The following E4F1 variants were observed in gnomAD, a reference collection of about 807,000 sequenced individuals.
The protein encoded by E4F1 is transcription factor E4F1.
Under a neutral mutation model 72.9 loss-of-function variants are expected in E4F1, and 30 were observed. That is an observed-to-expected ratio of 0.41 (90% CI 0.31 to 0.56). The LOEUF (loss-of-function observed/expected upper bound fraction) is 0.56. E4F1 is among the 20% of genes least tolerant of loss of function. E4F1 has a pLI of 0.25. For synonymous variants in E4F1, 542 were observed against 478.2 expected, an observed-to-expected ratio of 1.13 and a Z score of -1.74; for missense variants, 1,091 against 1,117.5, an observed-to-expected ratio of 0.98 and a Z score of 0.34.
chr16:2,233,055 G>C lies in E4F1; in HGVS notation c.928G>C (p.Val310Leu). 3 of 1,611,088 alleles carry C rather than the reference G, an allele frequency of 1.9e-6. No homozygotes were observed. The South Asian group carries it at 3.3e-5, about 18-fold the overall frequency. The change falls in exon 7 of 14, where the codon GTG (valine) becomes CTG (leucine). Residue 310 changes from valine to leucine, a missense_variant. This residue lies in a region of E4F1 where 101 missense variants were observed against 97.4 expected (regional missense o/e 1.04). Coordinates refer to ENST00000301727, the MANE Select transcript of E4F1 (RefSeq NM_004424.5). Reference sequence around the variant, plus strand: ...CGGCTTGGGGACAGCCACATCATCGGTGACAGGCGAGCCTATAGAGACTTC... The same window carrying C: ...CGGCTTGGGGACAGCCACATCATCGCTGACAGGCGAGCCTATAGAGACTTC... ...AAGLGTATSSVTGEPIETSPV... is the reference protein window; with the variant it reads ...AAGLGTATSSLTGEPIETSPV...
intron 1 of E4F1, among the ~76,000 whole-genome samples, chr16:2,224,893 C>T (rs1409987961): frequency 6.6e-6 from 1 of 151,872 alleles, no homozygotes; most frequent in Non-Finnish European, 1.5e-5. Context: ...GGCTCTGCTG[C>T]CTCATAGAAG....
chr16:2,231,900 C>T (rs1269025694), intron 3 of E4F1: 12 of 473,002 alleles, frequency 2.5e-5, no homozygotes, highest in South Asian at 2.5e-4. Flanking sequence ...CATCTGTGCT[C>T]CATGGTGGGT....
rs546597815 is a variant in E4F1 at position 2,234,842 on chromosome 16, C to T, written c.1793-17C>T. On this transcript the variant is annotated splice_polypyrimidine_tract_variant and intron_variant, in intron 11 of 13. Transcript: ENST00000301727. The stretch of plus-strand genomic sequence containing the variant: ...GGGCCGGGGCTTGCCTAGCCCTGAC[C>T]GAGTCCCCACCCACAGGGGGCTGCC... 1.0e-4 allele frequency: 156 copies of T among 1,548,160 alleles called. No individual in the cohort carries two copies. The highest frequency in any genetic ancestry group is 5.6e-4 in the East Asian group (23 of 40,900).
Position 2,234,563 on chromosome 16 carries a change from A to G in E4F1, c.1594-20A>G. 3 of 1,566,210 alleles carry G rather than the reference A, an allele frequency of 1.9e-6. No homozygotes were observed. Among genetic ancestry groups the G allele is most frequent in the Non-Finnish European group, 2.6e-6 (3 of 1,154,852 alleles). On this transcript the variant is annotated intron_variant, in intron 10 of 13. Coordinates refer to ENST00000301727, the MANE Select transcript of E4F1 (RefSeq NM_004424.5). ...CTGTTGTGGCCAAGGCCAGGCTGGCACTGACAGGTGTCTCCACAGAACGCA... is the reference window on the plus strand; with the variant it reads ...CTGTTGTGGCCAAGGCCAGGCTGGCGCTGACAGGTGTCTCCACAGAACGCA...
At chr16:2,224,087 G>C (rs1027121404) in intron 1 of E4F1, among the ~76,000 whole-genome samples, 81 of 152,372 alleles carry the variant, frequency 5.3e-4, no homozygotes, top group African/African-American at 1.8e-3. Context: ...TCCGATGCCT[G>C]AGCCTGGCCC....
In E4F1 at chr16:2,223,661, A is replaced by C; in HGVS notation, c.48A>C (p.Glu16Asp). 1 of 1,586,814 alleles carries C rather than the reference A, an allele frequency of 6.3e-7. No individual in the cohort carries two copies. Among genetic ancestry groups the C allele is most frequent in the Non-Finnish European group, 8.5e-7 (1 of 1,172,986 alleles). ...GGGTGACGGCCGCTCATACGGCAGAAGCCCAGGCCGAAGCCGGGCGGGAAG... is the reference window on the plus strand; with the variant it reads ...GGGTGACGGCCGCTCATACGGCAGACGCCCAGGCCGAAGCCGGGCGGGAAG... ...AVRVTAAHTA[E>D]AQAEAGREAG... Residue 16 changes from glutamate (E) to aspartate (D), a missense_variant, in exon 1 of 14, where the codon GAA (glutamate) becomes GAC (aspartate). By Grantham distance (45) the Glu-to-Asp change is conservative. Around this residue, in one of 5 missense-constraint regions of E4F1, gnomAD observed 362 missense variants for 358.6 expected, o/e 1.01. Transcript: ENST00000301727.
chr16:2,229,911 T>C (rs1567299627), intron 3 of E4F1: 4 of 516,290 alleles, frequency 7.7e-6, no homozygotes, highest in Non-Finnish European at 1.1e-5. Flanking sequence ...CAGGGAGTCA[T>C]TGGGCTGTGC....
At position 2,233,824 on chromosome 16, in the gene E4F1, T is replaced by C. The variant is rs572931274; in HGVS notation, c.1267-58T>C. The C allele has an allele frequency of 6.7e-6, 10 of 1,489,110 alleles. No homozygotes were observed. In the East Asian group the frequency reaches 2.0e-4, roughly 29 times the overall value. The allele number at this position is 1,489,110 out of a possible 1,614,324, so 92.2% of individuals were successfully genotyped here. A position where few individuals can be genotyped will look rare whatever the true frequency, so the allele number is the denominator to read the frequency against. On this transcript the variant is annotated intron_variant, in intron 8 of 13. Transcript: ENST00000301727. ...AGGGTGGGGCCCATGGTTGTGTTCTTGGTACTGCCAGGGCACAGCCTGCCC... is the reference window on the plus strand; with the variant it reads ...AGGGTGGGGCCCATGGTTGTGTTCTCGGTACTGCCAGGGCACAGCCTGCCC...
chr16:2,223,701 G>A lies in E4F1; in HGVS notation c.88G>A (p.Val30Ile). The change falls in exon 1 of 14, where the codon GTT becomes ATT. Residue 30 changes from valine to isoleucine, a missense_variant. Val to Ile is a conservative substitution (Grantham distance 29). This residue lies in a region of E4F1 where 362 missense variants were observed against 358.6 expected (regional missense o/e 1.01). Coordinates refer to ENST00000301727, the MANE Select transcript of E4F1 (RefSeq NM_004424.5). ...EAGREAGEGA[V>I]AAVAAALAPS... ...CGGGCGGGAAGCGGGCGAGGGTGCA[G>A]TTGCGGCGGTGGCGGCGGCCTTGGC... 6.4e-7 allele frequency: 1 copy of A among 1,567,884 alleles called. No individual in the cohort carries two copies.
Position 2,232,030 on chromosome 16 carries a change from G to A in E4F1, c.416-141G>A, listed in dbSNP as rs139791282. 3.2e-4 allele frequency: 327 copies of A among 1,033,396 alleles called. 1 individual carries two copies. The highest frequency in any genetic ancestry group is 9.6e-4 in the Middle Eastern group (3 of 3,112). 64.0% of individuals were successfully genotyped at this position (1,033,396 alleles called of 1,614,324 possible). On this transcript the variant is annotated intron_variant, in intron 3 of 13. Coordinates refer to ENST00000301727, the MANE Select transcript of E4F1 (RefSeq NM_004424.5). Reference sequence around the variant, plus strand: ...GTGAATGGGACCTTGGCTGTTGCTCGGACCTGTGTGTTGAGGGCTCAGTGC... The same window carrying A: ...GTGAATGGGACCTTGGCTGTTGCTCAGACCTGTGTGTTGAGGGCTCAGTGC...
rs778322656 is a variant in E4F1 at position 2,228,537 on chromosome 16, C to G, written c.309+14C>G. 1 of 1,609,706 alleles carries G rather than the reference C, an allele frequency of 6.2e-7. No homozygotes were observed. The highest frequency in any genetic ancestry group is 8.5e-7 in the Non-Finnish European group (1 of 1,177,894). On this transcript the variant is annotated intron_variant, in intron 2 of 13. Transcript: ENST00000301727. ...CTGGGCCAGGAGGTGAGCCCTCACC[C>G]ACTCCCCCATCCCCTCCCGGGTTCA...
intron 12 of E4F1, 22 bp downstream of exon 12, chr16:2,235,023 C>G: frequency 6.2e-7 from 1 of 1,611,842 alleles, no homozygotes. Context: ...GCCCTGGGGC[C>G]GTGCTGGGAC....
Position 2,234,981 on chromosome 16 carries a change from A to C in E4F1, c.1915A>C (p.Thr639Pro). 3 of 1,608,782 alleles carry C rather than the reference A, an allele frequency of 1.9e-6. No homozygotes were observed. Among genetic ancestry groups the C allele is most frequent in the Non-Finnish European group, 2.5e-6 (3 of 1,178,182 alleles). ...LVEFSSVVAD[T>P]QEYIIEATAD... is the part of the protein sequence containing the mutation. ...GGAGTTCTCGTCCGTGGTAGCTGAC[A>C]CCCAGGAGTATATCATCGAGGTGGG... Residue 639 changes from threonine (T) to proline (P), a missense_variant, in exon 12 of 14, where the codon ACC becomes CCC. This residue lies in a region of E4F1 where 622 missense variants were observed against 628.0 expected (regional missense o/e 0.99). Transcript: ENST00000301727.
chr16:2,233,054 G>A lies in E4F1; in HGVS notation c.927G>A (p.Ser309=), dbSNP rs963203854. The part of the protein sequence containing the change: ...GAAGLGTATS[S]VTGEPIETSP... ...CCGGCTTGGGGACAGCCACATCATC[G>A]GTGACAGGCGAGCCTATAGAGACTT... The change falls in exon 7 of 14, where the codon TCG becomes TCA. Residue 309 remains serine, a synonymous_variant. Transcript: ENST00000301727. The A allele has an allele frequency of 1.1e-5, 17 of 1,610,834 alleles. No individual in the cohort carries two copies. Among genetic ancestry groups the A allele is most frequent in the African/African-American group, 5.3e-5 (4 of 74,864 alleles).
rs368730551 is a variant in E4F1 at position 2,234,963 on chromosome 16, T to C, written c.1897T>C (p.Ser633Pro). The change falls in exon 12 of 14, where the codon TCG becomes CCG. Residue 633 changes from serine (S) to proline (P), a missense_variant. Ser to Pro is a moderately conservative substitution (Grantham distance 74, BLOSUM62 -1). This residue lies in a region of E4F1 where 622 missense variants were observed against 628.0 expected (regional missense o/e 0.99). Coordinates refer to ENST00000301727, the MANE Select transcript of E4F1 (RefSeq NM_004424.5). ...EDPHTVLVEF[S>P]SVVADTQEYI... ...CCCGCACACAGTGTTGGTGGAGTTC[T>C]CGTCCGTGGTAGCTGACACCCAGGA... 134 of 1,597,722 alleles carry C rather than the reference T, an allele frequency of 8.4e-5. No individual in the cohort carries two copies. The highest frequency in any genetic ancestry group is 1.1e-4 in the Non-Finnish European group (127 of 1,172,452).
At position 2,234,197 on chromosome 16, in the gene E4F1, T is replaced by G; in HGVS notation, c.1402T>G (p.Cys468Gly). 6.2e-7 allele frequency: 1 copy of G among 1,612,490 alleles called. No individual in the cohort carries two copies. Among genetic ancestry groups the G allele is most frequent in the Non-Finnish European group, 8.5e-7 (1 of 1,179,890 alleles). Residue 468 changes from cysteine (C) to glycine (G), a missense_variant, in exon 10 of 14, where the codon TGT becomes GGT. This residue lies in a region of E4F1 where 622 missense variants were observed against 628.0 expected (regional missense o/e 0.99). Coordinates refer to ENST00000301727, the MANE Select transcript of E4F1 (RefSeq NM_004424.5). ...TGPRPFACAQ[C>G]GKAFPKAYLL... ...GCCGAGGCCGTTCGCCTGCGCGCAG[T>G]GTGGCAAGGCCTTCCCCAAGGCCTA...
Position 2,234,908 on chromosome 16 carries a change from C to A in E4F1, c.1842C>A (p.Pro614=), listed in dbSNP as rs752582808. Residue 614 remains proline (P), a synonymous_variant, in exon 12 of 14, where the codon CCC becomes CCA. Coordinates refer to ENST00000301727, the MANE Select transcript of E4F1 (RefSeq NM_004424.5). The part of the protein sequence containing the change: ...VEELLVSEDS[P]AAATTVLTED... Reference sequence around the variant, plus strand: ...AGTTGCTGGTGTCTGAGGACAGCCCCGCGGCAGCCACCACCGTCCTCACGG... The same window carrying A: ...AGTTGCTGGTGTCTGAGGACAGCCCAGCGGCAGCCACCACCGTCCTCACGG... 7.5e-5 allele frequency: 116 copies of A among 1,552,550 alleles called. No individual in the cohort carries two copies. The highest frequency in any genetic ancestry group is 9.3e-5 in the Non-Finnish European group (107 of 1,148,204).
chr16:2,229,469 C>A, intron 2 of E4F1, 101 bp from the exon 3 acceptor site: 1 of 1,292,194 alleles, frequency 7.7e-7, no homozygotes. Context: ...CACCACAAGT[C>A]ACACCTCCAC....
rs763870651 is a variant in E4F1 at position 2,234,970 on chromosome 16, T to C, written c.1904T>C (p.Val635Ala). 9 of 1,604,982 alleles carry C rather than the reference T, an allele frequency of 5.6e-6. No homozygotes were observed. Among genetic ancestry groups the C allele is most frequent in the Non-Finnish European group, 6.8e-6 (8 of 1,176,202 alleles). ...PHTVLVEFSS[V>A]VADTQEYIIE... ...ACAGTGTTGGTGGAGTTCTCGTCCG[T>C]GGTAGCTGACACCCAGGAGTATATC... Residue 635 changes from valine (V) to alanine (A), a missense_variant, in exon 12 of 14, where the codon GTG (valine) becomes GCG (alanine). Physicochemically the swap from Val to Ala is moderately conservative, Grantham distance 64. Around this residue, in one of 5 missense-constraint regions of E4F1, gnomAD observed 622 missense variants for 628.0 expected, o/e 0.99. Coordinates refer to ENST00000301727, the MANE Select transcript of E4F1 (RefSeq NM_004424.5).
Sources: allele counts gnomAD v4.1 joint callset (sites outside exome capture counted in the v4.1 genomes callset), GRCh38; gene constraint gnomAD v4.1.1; regional missense constraint gnomAD v4.1.1; transcripts MANE v1.5; gene names NCBI Gene and HGNC (gene_info 2026-07-23, HGNC 2026-07-21).